Variants in EDIL3 observed in about 807,000 individuals in gnomAD.
The protein encoded by EDIL3 is EGF-like repeat and discoidin I-like domain-containing protein 3.
EDIL3 carries 37 observed loss-of-function variants against 67.4 expected under a neutral mutation model. The observed-to-expected ratio is 0.55, with a 90% CI of 0.42 to 0.72. The LOEUF (loss-of-function observed/expected upper bound fraction) is 0.72, where lower values mean the gene tolerates loss of function less well. Among genes scored for constraint, EDIL3 ranks in the 30% least tolerant of loss-of-function variants. The pLI, the probability that EDIL3 is intolerant of heterozygous loss-of-function variation, is 0.00. For missense variants in EDIL3, 527 were observed against 586.3 expected, an observed-to-expected ratio of 0.90 and a Z score of 1.04; for synonymous variants, 195 against 196.3, an observed-to-expected ratio of 0.99 and a Z score of 0.05.
chr5:84,130,662 C>A lies in EDIL3; in HGVS notation c.469+6579G>T, dbSNP rs1257014901. Among the ~76,000 whole-genome samples, 3 of 151,966 alleles carry A rather than the reference C, an allele frequency of 2.0e-5. No homozygotes were observed. The East Asian group carries it at 5.8e-4, about 29-fold the overall frequency. On this transcript the variant is annotated intron_variant, in intron 5 of 10. Transcript: ENST00000296591. ...ATTATATAAAACTATAATCTCTGAC[C>A]ACTTTTTAAGAAAATACTGGAATTA...
intron 1 of EDIL3, among the ~76,000 whole-genome samples, chr5:84,371,159 A>C (rs2112212085): frequency 6.6e-6 from 1 of 151,296 alleles, no homozygotes; most frequent in Admixed American, 6.6e-5. Context: ...ACAGAATAAT[A>C]ACAGGGAAAT....
intron 2 of EDIL3, among the ~76,000 whole-genome samples, chr5:84,233,661 A>G (rs1467322747): frequency 6.6e-6 from 1 of 152,186 alleles, no homozygotes; most frequent in Non-Finnish European, 1.5e-5. Flanking sequence ...GCCTAGATAT[A>G]GGCATGTGAC....
rs775405649 is a variant in EDIL3 at position 84,066,531 on chromosome 5, T to C, written c.727A>G (p.Ile243Val). Reference protein sequence around the residue: ...GAKRIGSPEYIKSYKIAYSND... With the variant: ...GAKRIGSPEYVKSYKIAYSND... Reference sequence around the variant, plus strand: ...CTGTAGGCAATTTTGTAGGATTTTATATACTCTGGGCTTCCAATCCTCTTG... The same window carrying C: ...CTGTAGGCAATTTTGTAGGATTTTACATACTCTGGGCTTCCAATCCTCTTG... The change falls in exon 7 of 11, where the codon ATA (isoleucine) becomes GTA (valine). Residue 243 changes from isoleucine (I) to valine (V), a missense_variant. Physicochemically the swap from Ile to Val is conservative, Grantham distance 29. Transcript: ENST00000296591. 1.2e-6 allele frequency: 2 copies of C among 1,613,548 alleles called. No homozygotes were observed. The highest frequency in any genetic ancestry group is 8.5e-7 in the Non-Finnish European group (1 of 1,179,868).
chr5:84,062,209 A>G (rs953781109), intron 8 of EDIL3, among the ~76,000 whole-genome samples: 1 of 152,108 alleles, frequency 6.6e-6, no homozygotes, highest in Non-Finnish European at 1.5e-5. Context: ...AGTCTAGAAA[A>G]TTCTAACAGG....
chr5:84,247,374 T>C (rs546855492), intron 2 of EDIL3, among the ~76,000 whole-genome samples: 2 of 152,266 alleles, frequency 1.3e-5, no homozygotes, highest in African/African-American at 4.8e-5. Flanking sequence ...TGATATTTCA[T>C]GAACACTAAC....
intron 1 of EDIL3, among the ~76,000 whole-genome samples, chr5:84,261,504 G>C (rs1745221669): frequency 6.6e-6 from 1 of 152,104 alleles, no homozygotes; most frequent in South Asian, 2.1e-4. Flanking sequence ...TGTTAAGAAG[G>C]TGCAATCTGA....
chr5:84,114,739 A>G (rs550921498), intron 5 of EDIL3, among the ~76,000 whole-genome samples: 1 of 152,366 alleles, frequency 6.6e-6, no homozygotes, highest in Non-Finnish European at 1.5e-5. Flanking sequence ...TCAGATGGGC[A>G]GCATAGCTTA....
intron 5 of EDIL3, among the ~76,000 whole-genome samples, chr5:84,117,175 C>T (rs549499923): frequency 7.0e-4 from 107 of 151,820 alleles, no homozygotes; most frequent in African/African-American, 2.4e-3. Flanking sequence ...CTACAGGCGC[C>T]CACCATCACG....
chr5:84,137,971 T>C (rs915440561), intron 4 of EDIL3, among the ~76,000 whole-genome samples: 9 of 152,250 alleles, frequency 5.9e-5, no homozygotes, highest in Admixed American at 6.5e-5. Context: ...GATATACTAC[T>C]ATTACATCTG....
chr5:83,979,951 A>G (rs758901136), intron 9 of EDIL3, among the ~76,000 whole-genome samples: 2 of 152,118 alleles, frequency 1.3e-5, no homozygotes, highest in African/African-American at 4.8e-5. Context: ...GATGACATCA[A>G]TGTCTTGTAG....
chr5:84,354,435 T>A (rs1247729245), intron 1 of EDIL3, among the ~76,000 whole-genome samples: 1 of 152,038 alleles, frequency 6.6e-6, no homozygotes, highest in Admixed American at 6.6e-5. Flanking sequence ...GGCAAGCAGA[T>A]CTCTTGAGGT....
At chr5:84,229,395 C>T (rs1047411650) in intron 3 of EDIL3, among the ~76,000 whole-genome samples, 1 of 152,050 alleles carries the variant, frequency 6.6e-6, no homozygotes, top group African/African-American at 2.4e-5. Context: ...AGACACAGTA[C>T]CCTTAAGCCT....
chr5:84,375,947 T>C (rs189804740), intron 1 of EDIL3, among the ~76,000 whole-genome samples: 8 of 152,188 alleles, frequency 5.3e-5, no homozygotes, highest in African/African-American at 1.4e-4. Context: ...CCTTCTAAAA[T>C]AATTACTAGT....
At chr5:84,244,779 T>C (rs73142627) in intron 2 of EDIL3, among the ~76,000 whole-genome samples, 1,719 of 152,290 alleles carry the variant, frequency 0.011, 34 homozygotes, top group African/African-American at 0.039. Flanking sequence ...ATACTTTAGA[T>C]TGGGGTCCTA....
chr5:84,383,217 C>T (rs1290587112), intron 1 of EDIL3, among the ~76,000 whole-genome samples: 1 of 152,196 alleles, frequency 6.6e-6, no homozygotes, highest in Non-Finnish European at 1.5e-5. Context: ...CCGCCCGCAT[C>T]TGTGAGCGCA....
intron 1 of EDIL3, among the ~76,000 whole-genome samples, chr5:84,307,270 G>C (rs528653953): frequency 6.6e-6 from 1 of 150,804 alleles, no homozygotes; most frequent in East Asian, 1.9e-4. Flanking sequence ...TGAAAATTGG[G>C]GAAGATGTTC....
intron 4 of EDIL3, among the ~76,000 whole-genome samples, chr5:84,168,082 C>T (rs1320860674): frequency 6.6e-6 from 1 of 152,078 alleles, no homozygotes; most frequent in Non-Finnish European, 1.5e-5. Flanking sequence ...AACTTCTAGG[C>T]TATGGCATAA....
intron 6 of EDIL3, among the ~76,000 whole-genome samples, chr5:84,067,704 A>G (rs1251562595): frequency 6.6e-6 from 1 of 152,126 alleles, no homozygotes; most frequent in Non-Finnish European, 1.5e-5. Context: ...TGCATGATGA[A>G]AACTGCCACC....
intron 1 of EDIL3, among the ~76,000 whole-genome samples, chr5:84,256,719 G>C (rs1440481999): frequency 6.6e-6 from 1 of 152,142 alleles, no homozygotes; most frequent in Non-Finnish European, 1.5e-5. Context: ...CACCACATTT[G>C]TGCTTTGGAA....
Sources: gnomAD v4.1 joint callset for allele counts (sites outside exome capture counted in the v4.1 genomes callset) on GRCh38, gnomAD v4.1.1 for gene constraint, MANE v1.5 for transcripts, NCBI Gene and HGNC (gene_info 2026-07-23, HGNC 2026-07-21) for gene names.